Variants in SMAD2 observed in about 807,000 individuals in gnomAD.
SMAD2 encodes the protein SMAD family member 2.
Under a neutral mutation model 64.4 loss-of-function variants are expected in SMAD2, and 8 were observed. The ratio of observed to expected loss-of-function variants is 0.12; its 90% CI spans 0.07 to 0.22. The LOEUF is 0.22. Among genes scored for constraint, SMAD2 ranks in the 10% least tolerant of loss-of-function variants. The pLI, the probability that SMAD2 is intolerant of heterozygous loss-of-function variation, is 1.00. For missense variants in SMAD2, 289 were observed against 561.2 expected (o/e 0.51, Z 4.90); for synonymous variants, 203 against 195.8 (o/e 1.04, Z -0.31).
At position 47,815,418 on chromosome 18, in the gene SMAD2, A is replaced by G. The variant is rs994402235; in HGVS notation, c.*26409T>C. 1 of 152,240 alleles carries G rather than the reference A, an allele frequency of 6.6e-6. No individual in the cohort carries two copies. The allele number at this position is 152,240 out of a possible 1,614,324, so 9.4% of individuals were successfully genotyped here. A position where few individuals can be genotyped will look rare whatever the true frequency, so the allele number is the denominator to read the frequency against. On this transcript the variant is annotated 3_prime_UTR_variant, in exon 11 of 11. Transcript: ENST00000262160. Reference sequence around the variant, plus strand: ...TGAAAGCCCACAGGGAATGTGGTCTAAAGCAGAGGTTTAAGTCCTGGCTGA... The same window carrying G: ...TGAAAGCCCACAGGGAATGTGGTCTGAAGCAGAGGTTTAAGTCCTGGCTGA...
rs963572554 is a variant in SMAD2 at position 47,833,242 on chromosome 18, A to C, written c.*8585T>G. On this transcript the variant is annotated 3_prime_UTR_variant, in exon 11 of 11. Transcript: ENST00000262160. ...ATGATGCACACAAATATATATAAAA[A>C]TTGACCAGAAATCACAGGACATGTA... The C allele has an allele frequency of 4.7e-6, 1 of 211,846 alleles. No homozygotes were observed. Among genetic ancestry groups the C allele is most frequent in the African/African-American group, 2.3e-5 (1 of 44,132 alleles). 13.1% of individuals were successfully genotyped at this position (211,846 alleles called of 1,614,324 possible).
Position 47,812,914 on chromosome 18 carries a change from T to C in SMAD2, c.*28913A>G, listed in dbSNP as rs1020060578. ...GTTAAGGAAGACTCTGCAGAGAGGA[T>C]GGAATTTAAACTGGGTTCTGGCCAG... On this transcript the variant is annotated 3_prime_UTR_variant, in exon 11 of 11. Transcript: ENST00000262160. The C allele has an allele frequency of 2.0e-5, 3 of 152,116 alleles. No individual in the cohort carries two copies. Among genetic ancestry groups the C allele is most frequent in the South Asian group, 2.1e-4 (1 of 4,822 alleles). The allele number at this position is 152,116 out of a possible 1,614,324, so 9.4% of individuals were successfully genotyped here. A position where few individuals can be genotyped will look rare whatever the true frequency, so the allele number is the denominator to read the frequency against.
chr18:47,864,965 C>T, intron 6 of SMAD2, 94 bp downstream of exon 6: 2 of 774,146 alleles, frequency 2.6e-6, no homozygotes, highest in Non-Finnish European at 4.5e-6. Flanking sequence ...GTCTCAACTT[C>T]TCTAAATTTA....
rs986605775 is a variant in SMAD2, at chr18:47,827,325, A to G, written c.*14502T>C. The G allele has an allele frequency of 2.0e-5, 3 of 152,032 alleles. No homozygotes were observed. The highest frequency in any genetic ancestry group is 7.3e-5 in the African/African-American group (3 of 41,290). 9.4% of individuals were successfully genotyped at this position (152,032 alleles called of 1,614,324 possible). ...AACTAAAGAGACTAAAATCATGTAA[A>G]TCATCCATTTCCCAGTTGAATCTTA... On this transcript the variant is annotated 3_prime_UTR_variant, in exon 11 of 11. Coordinates refer to ENST00000262160, the MANE Select transcript of SMAD2 (RefSeq NM_005901.6).
chr18:47,847,813 C>G (rs1206521462), intron 8 of SMAD2, among the ~76,000 whole-genome samples: 1 of 151,622 alleles, frequency 6.6e-6, no homozygotes, highest in African/African-American at 2.4e-5. Flanking sequence ...AAATCATATG[C>G]ATGTAGGCTC....
Position 47,819,310 on chromosome 18 carries a change from CTG to C in SMAD2, c.*22515_*22516del, listed in dbSNP as rs1646624395. 1 of 152,150 alleles carries C rather than the reference CTG, an allele frequency of 6.6e-6. No homozygotes were observed. Among genetic ancestry groups the C allele is most frequent in the Admixed American group, 6.6e-5 (1 of 15,266 alleles). The allele number at this position is 152,150 out of a possible 1,614,324, so 9.4% of individuals were successfully genotyped here. ...TAAAAACAGAATGATCTTTGTATAA[CTG>C]TAAGTTGAACTAATTTTGTATTATT... On this transcript the variant is annotated 3_prime_UTR_variant, in exon 11 of 11. Transcript: ENST00000262160.
chr18:47,915,948 AT>A (rs1189701889), intron 1 of SMAD2, among the ~76,000 whole-genome samples: 1 of 152,124 alleles, frequency 6.6e-6, no homozygotes, highest in Non-Finnish European at 1.5e-5. Context: ...GTTCTCTTGT[AT>A]TCATTTCCTA....
At chr18:47,851,533 G>T (rs968404682) in intron 6 of SMAD2, among the ~76,000 whole-genome samples, 1 of 152,024 alleles carries the variant, frequency 6.6e-6, no homozygotes, top group Non-Finnish European at 1.5e-5. Context: ...TATAAAAGGT[G>T]CAACAGTTTT....
Position 47,835,034 on chromosome 18 carries a change from C to G in SMAD2, c.*6793G>C, listed in dbSNP as rs970351150. ...CAGATATGAACATTTTTTATTCTGCCTACAATGCTGTGATCTAGTTCAACA... is the reference window on the plus strand; with the variant it reads ...CAGATATGAACATTTTTTATTCTGCGTACAATGCTGTGATCTAGTTCAACA... On this transcript the variant is annotated 3_prime_UTR_variant, in exon 11 of 11. Transcript: ENST00000262160. 2 of 220,516 alleles carry G rather than the reference C, an allele frequency of 9.1e-6. No homozygotes were observed. The highest frequency in any genetic ancestry group is 1.2e-4 in the Admixed American group (2 of 17,326). 13.7% of individuals were successfully genotyped at this position (220,516 alleles called of 1,614,324 possible).
chr18:47,881,312 T>C lies in SMAD2; in HGVS notation c.237-10748A>G, dbSNP rs567662729. Among the ~76,000 whole-genome samples, 3 of 152,202 alleles carry C rather than the reference T, an allele frequency of 2.0e-5. No homozygotes were observed. The South Asian group carries it at 6.2e-4, about 32-fold the overall frequency. The stretch of plus-strand genomic sequence containing the variant: ...GTTTCAGCATTTTAAGCAGAGGTCA[T>C]TGTGTGTGTGTGTTTAATGTATTCC... On this transcript the variant is annotated intron_variant, in intron 2 of 10. Transcript: ENST00000262160.
intron 6 of SMAD2, among the ~76,000 whole-genome samples, chr18:47,860,076 C>T (rs1477667658): frequency 6.6e-6 from 1 of 152,034 alleles, no homozygotes; most frequent in Non-Finnish European, 1.5e-5. Flanking sequence ...GTTGAGGCTG[C>T]CGTGAGCCAA....
intron 2 of SMAD2, among the ~76,000 whole-genome samples, chr18:47,882,041 C>CGTTTTTTTTTTTTTTTTTTTTTTTT (rs2032624892): frequency 2.6e-5 from 1 of 38,850 alleles, no homozygotes; most frequent in East Asian, 8.5e-4. Flanking sequence ...CCACGCTTGG[C>CGTTTTTTTTTTTTTTTTTTTTTTTT]TTTTTTTTTT....
chr18:47,925,202 G>A (rs981395948), intron 1 of SMAD2, among the ~76,000 whole-genome samples: 1 of 152,186 alleles, frequency 6.6e-6, no homozygotes, highest in Non-Finnish European at 1.5e-5. Flanking sequence ...TGAGGCCAAT[G>A]TAAAACCAGA....
At chr18:47,919,483 C>T (rs952546383) in intron 1 of SMAD2, among the ~76,000 whole-genome samples, 3 of 107,036 alleles carry the variant, frequency 2.8e-5, no homozygotes, top group Non-Finnish European at 5.3e-5. Context: ...CACACACACA[C>T]ACACACACAC....
chr18:47,868,021 C>T (rs1312974743), intron 5 of SMAD2, among the ~76,000 whole-genome samples: 3 of 152,118 alleles, frequency 2.0e-5, no homozygotes, highest in Non-Finnish European at 4.4e-5. Flanking sequence ...TTCTGCATCT[C>T]GCTTAGCTTC....
At chr18:47,846,478 T>TG (rs1914502634) in intron 8 of SMAD2, among the ~76,000 whole-genome samples, 1 of 152,210 alleles carries the variant, frequency 6.6e-6, no homozygotes, top group African/African-American at 2.4e-5. Context: ...TAGGTGCTGC[T>TG]GTTAAGGATT....
rs139001247 is a variant in SMAD2 at position 47,876,166 on chromosome 18, T to A, written c.237-5602A>T. ...GATTATTAAGTTATTATAACAATGATAGCAATATCCCAAACACATTGGCTC... is the reference window on the plus strand; with the variant it reads ...GATTATTAAGTTATTATAACAATGAAAGCAATATCCCAAACACATTGGCTC... On this transcript the variant is annotated intron_variant, in intron 2 of 10. Transcript: ENST00000262160. 3.6e-3 allele frequency among the ~76,000 whole-genome samples: 550 copies of A among 152,184 alleles called. 3 individuals carry two copies. Among genetic ancestry groups the A allele is most frequent in the African/African-American group, 0.013 (522 of 41,570 alleles).
intron 2 of SMAD2, 23 bp downstream of exon 2, chr18:47,896,490 TTGATCAAA>T (rs768470135): frequency 9.3e-6 from 15 of 1,610,930 alleles, no homozygotes; most frequent in Non-Finnish European, 1.3e-5. Context: ...TTGACATAAT[TTGATCAAA>T]CCTGGGATCT....
chr18:47,831,473 T>G lies in SMAD2; in HGVS notation c.*10354A>C, dbSNP rs1912990698. 2 of 152,222 alleles carry G rather than the reference T, an allele frequency of 1.3e-5. No homozygotes were observed. The highest frequency in any genetic ancestry group is 2.9e-5 in the Non-Finnish European group (2 of 68,044). 9.4% of individuals were successfully genotyped at this position (152,222 alleles called of 1,614,324 possible). On this transcript the variant is annotated 3_prime_UTR_variant, in exon 11 of 11. Transcript: ENST00000262160. ...TAAACTACTTTAGAACTTAAATAAT[T>G]TTATTTTCACATAACATTTAGAAAG...
Sources: allele counts gnomAD v4.1 joint callset (sites outside exome capture counted in the v4.1 genomes callset), GRCh38; gene constraint gnomAD v4.1.1; transcripts MANE v1.5; gene names NCBI Gene and HGNC (gene_info 2026-07-23, HGNC 2026-07-21).